The following DNAAF11 variants were observed in gnomAD, a reference collection of about 807,000 sequenced individuals.
DNAAF11 encodes the protein leucine rich repeat containing 6.
DNAAF11 carries 45 observed loss-of-function variants against 60.8 expected under a neutral mutation model. The ratio of observed to expected loss-of-function variants is 0.74; its 90% CI spans 0.58 to 0.95. The LOEUF (loss-of-function observed/expected upper bound fraction) is 0.95. Ranked by LOEUF, DNAAF11 falls within the 40% of genes least tolerant of loss-of-function variation. The pLI is 0.00. For synonymous variants in DNAAF11, 191 were observed against 183.5 expected, an observed-to-expected ratio of 1.04 and a Z score of -0.33; for missense variants, 546 against 546.2, an observed-to-expected ratio of 1.00 and a Z score of 0.00.
At chr8:132,614,050 A>G (rs1382207458) in intron 8 of DNAAF11, among the ~76,000 whole-genome samples, 1 of 152,206 alleles carries the variant, frequency 6.6e-6, no homozygotes, top group African/African-American at 2.4e-5. Context: ...AGATGTAGAG[A>G]GGAAAGAACA....
intron 2 of DNAAF11, among the ~76,000 whole-genome samples, chr8:132,657,334 T>C (rs1451813895): frequency 2.6e-5 from 4 of 152,208 alleles, no homozygotes; most frequent in Non-Finnish European, 4.4e-5. Flanking sequence ...CTATATTCCA[T>C]GCTTGGAGGG....
intron 11 of DNAAF11, among the ~76,000 whole-genome samples, chr8:132,583,335 A>G (rs967205465): frequency 4.6e-5 from 7 of 152,118 alleles, no homozygotes; most frequent in Non-Finnish European, 8.8e-5. Context: ...AGCTCCCCTA[A>G]CTGGAAACTG....
At chr8:132,674,852 C>T (rs1373602978) in intron 1 of DNAAF11, among the ~76,000 whole-genome samples, 2 of 152,272 alleles carry the variant, frequency 1.3e-5, no homozygotes, top group Non-Finnish European at 1.5e-5. Context: ...CGCGCCGCTG[C>T]ACTCCAGCCT....
the DNAAF11 span, among the ~76,000 whole-genome samples, chr8:132,683,597 A>G: frequency 1.3e-5 from 2 of 152,136 alleles, no homozygotes; most frequent in African/African-American, 2.4e-5. Flanking sequence ...CTGGGGGTGA[A>G]GGCAGCTGTT....
At chr8:132,609,409 T>C (rs1818433065) in intron 10 of DNAAF11, among the ~76,000 whole-genome samples, 1 of 152,150 alleles carries the variant, frequency 6.6e-6, no homozygotes, top group Non-Finnish European at 1.5e-5. Context: ...CTGAATATTT[T>C]TGATCCCTGG....
chr8:132,601,987 T>G (rs534734301), intron 10 of DNAAF11, among the ~76,000 whole-genome samples: 127 of 152,170 alleles, frequency 8.3e-4, no homozygotes, highest in African/African-American at 3.0e-3. Flanking sequence ...TAACTAAACA[T>G]GTTAGACCTT....
intron 10 of DNAAF11, among the ~76,000 whole-genome samples, chr8:132,609,215 T>A (rs1818410420): frequency 6.6e-6 from 1 of 151,970 alleles, no homozygotes; most frequent in African/African-American, 2.4e-5. Context: ...AAGTCTCCAA[T>A]AAAAAATGGC....
intron 11 of DNAAF11, chr8:132,578,558 C>G: frequency 8.1e-7 from 1 of 1,232,532 alleles, no homozygotes; most frequent in Non-Finnish European, 1.1e-6. Context: ...TGGAAGTAAG[C>G]AAGAAAAAAG....
chr8:132,574,127 C>T (rs1216290502), intron 11 of DNAAF11, among the ~76,000 whole-genome samples: 1 of 152,202 alleles, frequency 6.6e-6, no homozygotes, highest in African/African-American at 2.4e-5. Flanking sequence ...TTCACTGAAC[C>T]ACCTGCCTTT....
chr8:132,605,543 T>C (rs1441509463), intron 10 of DNAAF11, among the ~76,000 whole-genome samples: 1 of 152,186 alleles, frequency 6.6e-6, no homozygotes, highest in Non-Finnish European at 1.5e-5. Context: ...CCAGGATCTG[T>C]TCTAGGTGCC....
chr8:132,680,307 C>T (rs770403159), upstream of DNAAF11, among the ~76,000 whole-genome samples: 51 of 152,098 alleles, frequency 3.4e-4, no homozygotes, highest in Non-Finnish European at 7.1e-4. Flanking sequence ...GCAAGATGAG[C>T]TATGCTTCCT....
intron 2 of DNAAF11, among the ~76,000 whole-genome samples, chr8:132,657,745 C>T (rs1386320084): frequency 1.3e-5 from 2 of 152,182 alleles, no homozygotes; most frequent in Non-Finnish European, 2.9e-5. Context: ...TCACATGTCA[C>T]ACAATGTTCT....
chr8:132,646,253 G>T (rs925820935), intron 3 of DNAAF11, among the ~76,000 whole-genome samples: 5 of 152,130 alleles, frequency 3.3e-5, no homozygotes, highest in Admixed American at 2.0e-4. Flanking sequence ...ATAAGTGAAG[G>T]AGAAATAAAA....
intron 3 of DNAAF11, among the ~76,000 whole-genome samples, chr8:132,644,047 G>A (rs1822119519): frequency 6.6e-6 from 1 of 151,298 alleles, no homozygotes. Context: ...AATGAAAAGG[G>A]GAAACAAAAT....
chr8:132,585,388 C>T (rs1255902348), intron 10 of DNAAF11, among the ~76,000 whole-genome samples: 1 of 152,210 alleles, frequency 6.6e-6, no homozygotes, highest in East Asian at 1.9e-4. Context: ...AGTACATCTT[C>T]CTCTTTCCAT....
rs759132491 is a variant in DNAAF11 at position 132,578,546 on chromosome 8, C to A, written c.1226+5148G>T. 8.3e-6 allele frequency: 11 copies of A among 1,329,304 alleles called. No homozygotes were observed. The South Asian group carries it at 1.1e-4, about 14-fold the overall frequency. The allele number at this position is 1,329,304 out of a possible 1,614,324, so 82.3% of individuals were successfully genotyped here. A position where few individuals can be genotyped will look rare whatever the true frequency, so the allele number is the denominator to read the frequency against. On this transcript the variant is annotated intron_variant, in intron 11 of 11. Transcript: ENST00000620350. The stretch of plus-strand genomic sequence containing the variant: ...AAGACAAAATCAACAGATTTAACAT[C>A]ATGGAAGTAAGCAAGAAAAAAGAAA...
chr8:132,637,009 T>C (rs893765643), intron 4 of DNAAF11, among the ~76,000 whole-genome samples: 4 of 152,312 alleles, frequency 2.6e-5, no homozygotes, highest in Non-Finnish European at 4.4e-5. Context: ...ACATGCAGGC[T>C]GGGAACTCTT....
intron 11 of DNAAF11, among the ~76,000 whole-genome samples, chr8:132,578,065 T>C (rs1358975722): frequency 1.3e-5 from 2 of 152,172 alleles, no homozygotes; most frequent in East Asian, 3.9e-4. Context: ...TTTTTAATTA[T>C]TATGTTCTTA....
intron 3 of DNAAF11, among the ~76,000 whole-genome samples, chr8:132,647,230 G>A (rs1159315538): frequency 6.6e-6 from 1 of 152,136 alleles, no homozygotes; most frequent in African/African-American, 2.4e-5. Flanking sequence ...TGAACAACCT[G>A]CTCCTGAATA....
Sources: gnomAD v4.1 joint callset for allele counts (sites outside exome capture counted in the v4.1 genomes callset) on GRCh38, gnomAD v4.1.1 for gene constraint, MANE v1.5 for transcripts, NCBI Gene and HGNC (gene_info 2026-07-23, HGNC 2026-07-21) for gene names.